The following GOLM2 variants were observed in gnomAD, a reference collection of about 807,000 sequenced individuals.
The protein encoded by GOLM2 is protein GOLM2.
GOLM2 carries 26 observed loss-of-function variants against 55.9 expected under a neutral mutation model. The observed-to-expected ratio is 0.47, with a 90% CI of 0.34 to 0.65. GOLM2 has a LOEUF of 0.65. Ranked by LOEUF, GOLM2 falls within the 30% of genes least tolerant of loss-of-function variation. GOLM2 has a pLI of 0.01. For synonymous variants in GOLM2, 165 were observed against 194.6 expected (o/e 0.85, Z 1.27); for missense variants, 486 against 531.8 (o/e 0.91, Z 0.85).
intron 6 of GOLM2, among the ~76,000 whole-genome samples, chr15:44,357,233 T>A (rs1418886041): frequency 5.9e-5 from 9 of 151,916 alleles, no homozygotes; most frequent in Admixed American, 5.3e-4. Flanking sequence ...TTATCCCAGG[T>A]ATGCAAATCT....
At chr15:44,351,989 G>A (rs2079167990) in intron 6 of GOLM2, among the ~76,000 whole-genome samples, 1 of 152,100 alleles carries the variant, frequency 6.6e-6, no homozygotes, top group Admixed American at 6.6e-5. Context: ...TTGTTAAAAT[G>A]TTCATACTAC....
intron 1 of GOLM2, among the ~76,000 whole-genome samples, chr15:44,318,588 A>C (rs900793360): frequency 6.6e-6 from 1 of 152,152 alleles, no homozygotes; most frequent in African/African-American, 2.4e-5. Context: ...ATGTGCCTGT[A>C]GTCCAAGCTA....
chr15:44,306,089 C>A (rs2078835141), intron 1 of GOLM2, among the ~76,000 whole-genome samples: 1 of 152,160 alleles, frequency 6.6e-6, no homozygotes. Context: ...ATCAGCCTGT[C>A]CTTTGAAGCT....
At chr15:44,402,769 T>C (rs553179615) in intron 8 of GOLM2, 118 bp from the exon 9 acceptor site, 158 of 821,684 alleles carry the variant, frequency 1.9e-4, no homozygotes, top group Non-Finnish European at 7.4e-5. Flanking sequence ...TATCCTTTTA[T>C]ATCCAGTACC....
rs561860152 is a variant in GOLM2, at chr15:44,363,966, T to G, written c.803-15724T>G. Reference sequence around the variant, plus strand: ...GAACAAAAAACCAAACACCGCATATTCTCACTCATAGGTGGGAATTGAACA... The same window carrying G: ...GAACAAAAAACCAAACACCGCATATGCTCACTCATAGGTGGGAATTGAACA... On this transcript the variant is annotated intron_variant, in intron 6 of 9. Transcript: ENST00000299957. Among the ~76,000 whole-genome samples the G allele has an allele frequency of 1.5e-4, 23 of 151,728 alleles. No homozygotes were observed. In the South Asian group the frequency reaches 4.6e-3, roughly 30 times the overall value.
At chr15:44,399,984 G>GA (rs536127113) in intron 8 of GOLM2, among the ~76,000 whole-genome samples, 121 of 104,944 alleles carry the variant, frequency 1.2e-3, no homozygotes, top group East Asian at 5.2e-3. Context: ...GTCTCAAAAA[G>GA]AAAAAAAAAA....
At chr15:44,299,025 T>C (rs74545938) in intron 1 of GOLM2, among the ~76,000 whole-genome samples, 4,387 of 151,850 alleles carry the variant, frequency 0.029, 225 homozygotes, top group African/African-American at 0.1. Flanking sequence ...AAGGCAGAGA[T>C]TGGAGTTATG....
At chr15:44,329,814 A>T (rs1159707353) in intron 3 of GOLM2, among the ~76,000 whole-genome samples, 1 of 150,528 alleles carries the variant, frequency 6.6e-6, no homozygotes, top group Non-Finnish European at 1.5e-5. Flanking sequence ...AGGTGGGAGG[A>T]TTGCTTGAGT....
At chr15:44,378,368 T>C (rs2079378791) in intron 6 of GOLM2, among the ~76,000 whole-genome samples, 1 of 150,644 alleles carries the variant, frequency 6.6e-6, no homozygotes. Flanking sequence ...TTTTTTTTTT[T>C]TTTTTGAGAT....
At chr15:44,362,077 A>G (rs2079244512) in intron 6 of GOLM2, among the ~76,000 whole-genome samples, 1 of 152,074 alleles carries the variant, frequency 6.6e-6, no homozygotes, top group South Asian at 2.1e-4. Context: ...ACAAACCCAC[A>G]GCCAATATCA....
At position 44,337,791 on chromosome 15, in the gene GOLM2, A is replaced by G. The variant is rs764191682; in HGVS notation, c.605A>G (p.Asp202Gly). 1.3e-5 allele frequency: 21 copies of G among 1,586,996 alleles called. No individual in the cohort carries two copies. Among genetic ancestry groups the G allele is most frequent in the Non-Finnish European group, 1.7e-5 (20 of 1,173,208 alleles). ...GAGACCCAAAAGATTCAATCAAATG[A>G]TGGAAAGGAATTGGATATAAACAAT... is the stretch of plus-strand genomic sequence containing the variant. Reference protein sequence around the residue: ...KQETQKIQSNDGKELDINNQV... With the variant: ...KQETQKIQSNGGKELDINNQV... Residue 202 changes from aspartate (D) to glycine (G), a missense_variant, in exon 5 of 10, where the codon GAT becomes GGT. Coordinates refer to ENST00000299957, the MANE Select transcript of GOLM2 (RefSeq NM_138423.4).
chr15:44,363,202 T>G (rs941432420), intron 6 of GOLM2, among the ~76,000 whole-genome samples: 8 of 151,960 alleles, frequency 5.3e-5, no homozygotes, highest in Non-Finnish European at 8.8e-5. Context: ...TGGGATCTAG[T>G]TAAACTAAAG....
intron 1 of GOLM2, among the ~76,000 whole-genome samples, chr15:44,292,203 T>A (rs796629704): frequency 0.027 from 3,448 of 128,364 alleles, 79 homozygotes; most frequent in African/African-American, 0.073. Flanking sequence ...ATATATATAT[T>A]TTTTTTTTTT....
intron 1 of GOLM2, among the ~76,000 whole-genome samples, chr15:44,293,051 A>G (rs2141103222): frequency 6.6e-6 from 1 of 152,284 alleles, no homozygotes; most frequent in South Asian, 2.1e-4. Flanking sequence ...CCTGGCCTGA[A>G]GTGATCCTCC....
At chr15:44,403,384 A>G (rs1272789030) in intron 9 of GOLM2, among the ~76,000 whole-genome samples, 1 of 151,376 alleles carries the variant, frequency 6.6e-6, no homozygotes, top group African/African-American at 2.4e-5. Context: ...CTGGTCTCAA[A>G]CTCCCGACCT....
At chr15:44,296,861 G>A (rs1040171698) in intron 1 of GOLM2, among the ~76,000 whole-genome samples, 1 of 152,154 alleles carries the variant, frequency 6.6e-6, no homozygotes, top group Admixed American at 6.6e-5. Flanking sequence ...CTGTTCTTCT[G>A]TAATTTGAGT....
intron 6 of GOLM2, chr15:44,354,810 T>C (rs2079187041): frequency 5.6e-6 from 1 of 179,262 alleles, no homozygotes; most frequent in Non-Finnish European, 1.2e-5. Context: ...CTTCACTGAC[T>C]CCAGCTACAT....
intron 2 of GOLM2, 41 bp from the exon 3 acceptor site, chr15:44,328,644 G>A (rs750837544): frequency 7.3e-7 from 1 of 1,368,454 alleles, no homozygotes. Context: ...GCATTACAAT[G>A]AGTGAACTTG....
chr15:44,360,511 A>C (rs1261933265), intron 6 of GOLM2, among the ~76,000 whole-genome samples: 3 of 152,212 alleles, frequency 2.0e-5, no homozygotes, highest in Non-Finnish European at 4.4e-5. Flanking sequence ...AACTATCCTA[A>C]ATATATATGC....
Sources: gnomAD v4.1 joint callset for allele counts (sites outside exome capture counted in the v4.1 genomes callset) on GRCh38, gnomAD v4.1.1 for gene constraint, MANE v1.5 for transcripts, NCBI Gene and HGNC (gene_info 2026-07-23, HGNC 2026-07-21) for gene names.